PRKD2: variants seen among roughly 807,000 people sequenced by gnomAD.
PRKD2 encodes the protein serine/threonine-protein kinase D2.
In PRKD2, 22 loss-of-function variants were observed where a neutral mutation model predicts 86.0. That is an observed-to-expected ratio of 0.26 (90% CI 0.18 to 0.37). PRKD2 has a LOEUF of 0.37. Among genes scored for constraint, PRKD2 ranks in the 10% least tolerant of loss-of-function variants. PRKD2 has a pLI of 1.00. For synonymous variants in PRKD2, 509 were observed against 510.9 expected, an observed-to-expected ratio of 1.00 and a Z score of 0.05; for missense variants, 818 against 1,199.2, an observed-to-expected ratio of 0.68 and a Z score of 4.70.
At chr19:46,714,490 C>CG (rs1254751346) in intron 1 of PRKD2, 10 of 43,564 alleles carry the variant, frequency 2.3e-4, no homozygotes, top group African/African-American at 3.8e-4. Flanking sequence ...GGGGGGGGGC[C>CG]GGGGGACTTG....
intron 2 of PRKD2, among the ~76,000 whole-genome samples, chr19:46,713,503 T>A (rs2053837934): frequency 6.6e-6 from 1 of 152,144 alleles, no homozygotes; most frequent in South Asian, 2.1e-4. Context: ...TTTCAAACTG[T>A]ACAAAGCGTG....
Position 46,691,763 on chromosome 19 carries a change from G to A in PRKD2, c.1674C>T (p.Gly558=), listed in dbSNP as rs1211891630. 2 of 1,613,124 alleles carry A rather than the reference G, an allele frequency of 1.2e-6. No homozygotes were observed. Among genetic ancestry groups the A allele is most frequent in the South Asian group, 2.2e-5 (2 of 91,024 alleles). ...CATAGACCACTCCAAACTGCCCTGA[G>A]CCCAGCACTTCGTCAGGGAAGATCT... is the stretch of plus-strand genomic sequence containing the variant. ...VYQIFPDEVL[G]SGQFGVVYGG... The change falls in exon 12 of 18, where the codon GGC becomes GGT. Residue 558 remains glycine, a synonymous_variant. Transcript: ENST00000291281.
chr19:46,697,083 G>T, intron 9 of PRKD2, 74 bp downstream of exon 9: 1 of 1,183,602 alleles, frequency 8.4e-7, no homozygotes, highest in Non-Finnish European at 1.3e-6. Context: ...GGAGTAACTG[G>T]GGGTAGGAGG....
At chr19:46,697,469 C>A in intron 8 of PRKD2, 2 of 587,136 alleles carry the variant, frequency 3.4e-6, no homozygotes. Context: ...ACTTAGCCCT[C>A]TTCCTCCAGC....
At chr19:46,687,189 T>C (rs1264475076) in intron 14 of PRKD2, among the ~76,000 whole-genome samples, 1 of 152,034 alleles carries the variant, frequency 6.6e-6, no homozygotes, top group Non-Finnish European at 1.5e-5. Flanking sequence ...GCCCAGGAGT[T>C]GAAGACCAGC....
chr19:46,697,024 A>G, intron 9 of PRKD2, 133 bp downstream of exon 9: 1 of 776,426 alleles, frequency 1.3e-6, no homozygotes, highest in Non-Finnish European at 2.2e-6. Context: ...ATGAGCTGGA[A>G]GCAGGGAGGC....
intron 16 of PRKD2, among the ~76,000 whole-genome samples, chr19:46,676,988 G>C (rs2053215175): frequency 1.3e-5 from 2 of 150,852 alleles, no homozygotes; most frequent in Non-Finnish European, 2.9e-5. Flanking sequence ...TTGAACCCAA[G>C]AGGTGGAGGT....
intron 7 of PRKD2, 63 bp downstream of exon 7, chr19:46,700,736 A>T: frequency 6.4e-7 from 1 of 1,556,478 alleles, no homozygotes; most frequent in Non-Finnish European, 8.7e-7. Context: ...AGAGAAAAAG[A>T]AATTGAGGTT....
Position 46,710,897 on chromosome 19 carries a change from T to C in PRKD2, c.511+10A>G, listed in dbSNP as rs774359968. 6.4e-7 allele frequency: 1 copy of C among 1,565,206 alleles called. No homozygotes were observed. The highest frequency in any genetic ancestry group is 1.4e-5 in the African/African-American group (1 of 73,890). ...GCCCCAGGCCCCGCCCCCAACCCTT[T>C]AGCTCTCACCATCGCACTTGAGGCC... On this transcript the variant is annotated intron_variant, in intron 3 of 17. Transcript: ENST00000291281.
chr19:46,680,231 T>C (rs1038540420), intron 15 of PRKD2, among the ~76,000 whole-genome samples: 20 of 152,188 alleles, frequency 1.3e-4, no homozygotes, highest in African/African-American at 4.6e-4. Context: ...ACAGATCTTA[T>C]AGCTCTTTCT....
At chr19:46,704,079 G>T in intron 5 of PRKD2, 90 bp downstream of exon 5, 1 of 1,555,190 alleles carries the variant, frequency 6.4e-7, no homozygotes, top group South Asian at 1.2e-5. Context: ...GGGGTCCCAA[G>T]GCTCAGATCC....
At chr19:46,695,104 GGAGA>G (rs2053538265) in intron 9 of PRKD2, among the ~76,000 whole-genome samples, 1 of 152,126 alleles carries the variant, frequency 6.6e-6, no homozygotes, top group Admixed American at 6.6e-5. Context: ...TGTGGAGGTG[GGAGA>G]ATCATTTGAG....
At chr19:46,696,713 C>G (rs532730181) in intron 9 of PRKD2, among the ~76,000 whole-genome samples, 2 of 152,114 alleles carry the variant, frequency 1.3e-5, no homozygotes, top group East Asian at 3.9e-4. Flanking sequence ...CGAGATCGCG[C>G]CACTGCACTC....
chr19:46,704,941 A>G (rs2053692843), intron 3 of PRKD2, among the ~76,000 whole-genome samples: 1 of 135,874 alleles, frequency 7.4e-6, no homozygotes, highest in African/African-American at 2.9e-5. Context: ...GGGACACCTC[A>G]AAGGCTCCCC....
chr19:46,703,808 G>A (rs969574855), intron 5 of PRKD2, among the ~76,000 whole-genome samples: 1 of 151,596 alleles, frequency 6.6e-6, no homozygotes, highest in Non-Finnish European at 1.5e-5. Flanking sequence ...AGCTGGGTGT[G>A]GTGGCACCAC....
At chr19:46,713,628 T>C (rs2081302810) in intron 2 of PRKD2, among the ~76,000 whole-genome samples, 1 of 151,590 alleles carries the variant, frequency 6.6e-6, no homozygotes, top group Admixed American at 6.6e-5. Context: ...TTTTTTTTTT[T>C]CAGAGGGAGA....
intron 2 of PRKD2, 128 bp downstream of exon 2, chr19:46,713,735 T>C: frequency 1.1e-6 from 1 of 917,218 alleles, no homozygotes; most frequent in Non-Finnish European, 1.6e-6. Context: ...CCTCCCAAAG[T>C]GCTGGGATCA....
intron 3 of PRKD2, among the ~76,000 whole-genome samples, chr19:46,706,405 A>C (rs2053714778): frequency 6.6e-6 from 1 of 152,184 alleles, no homozygotes; most frequent in Admixed American, 6.5e-5. Context: ...TGCATGCTGT[A>C]ATCACGGAGG....
intron 3 of PRKD2, among the ~76,000 whole-genome samples, chr19:46,706,582 C>T (rs2053717432): frequency 1.3e-5 from 2 of 152,196 alleles, no homozygotes; most frequent in Non-Finnish European, 2.9e-5. Flanking sequence ...TAGAGTTAAA[C>T]TCCTGTCGGA....
Sources: allele counts gnomAD v4.1 joint callset (sites outside exome capture counted in the v4.1 genomes callset), GRCh38; gene constraint gnomAD v4.1.1; transcripts MANE v1.5; gene names NCBI Gene and HGNC (gene_info 2026-07-23, HGNC 2026-07-21).